Variants in NXPH1 observed in about 807,000 individuals in gnomAD.
NXPH1 encodes neurexophilin-1.
A neutral mutation model predicts 23.7 loss-of-function variants in NXPH1; 5 were observed. The observed-to-expected ratio is 0.21, with a 90% CI of 0.11 to 0.44. The LOEUF (loss-of-function observed/expected upper bound fraction) is 0.44. Ranked by LOEUF, NXPH1 falls within the 20% of genes least tolerant of loss-of-function variation. NXPH1 has a pLI of 0.99. For missense variants in NXPH1, 324 were observed against 321.6 expected, an observed-to-expected ratio of 1.01 and a Z score of -0.06; for synonymous variants, 144 against 122.2, an observed-to-expected ratio of 1.18 and a Z score of -1.18.
intron 2 of NXPH1, among the ~76,000 whole-genome samples, chr7:8,515,325 A>C (rs914847025): frequency 1.3e-5 from 2 of 152,062 alleles, no homozygotes; most frequent in African/African-American, 4.8e-5. Flanking sequence ...ATCAATTAAT[A>C]TTTATTGAGG....
intron 2 of NXPH1, among the ~76,000 whole-genome samples, chr7:8,503,805 C>T (rs777567874): frequency 1.4e-4 from 21 of 151,946 alleles, no homozygotes; most frequent in South Asian, 2.1e-4. Flanking sequence ...CCGGTTCATC[C>T]GGAACACCAT....
chr7:8,475,932 T>A (rs1816963131), intron 2 of NXPH1, among the ~76,000 whole-genome samples: 1 of 152,184 alleles, frequency 6.6e-6, no homozygotes. Context: ...CTGCCACCCC[T>A]GCACAACCTC....
chr7:8,655,400 T>TTCTCTCTC (rs869162322), intron 2 of NXPH1, among the ~76,000 whole-genome samples: 105 of 42,828 alleles, frequency 2.5e-3, no homozygotes, highest in African/African-American at 3.4e-3. Flanking sequence ...GTCTTTGTCT[T>TTCTCTCTC]TCTCTCTCTC....
At chr7:8,451,193 C>G (rs1477201077) in intron 2 of NXPH1, among the ~76,000 whole-genome samples, 2 of 149,350 alleles carry the variant, frequency 1.3e-5, no homozygotes, top group African/African-American at 5.0e-5. Flanking sequence ...GTTTAGGAAT[C>G]CTGATAACAG....
chr7:8,655,120 T>C (rs1001582787), intron 2 of NXPH1, among the ~76,000 whole-genome samples: 1 of 152,056 alleles, frequency 6.6e-6, no homozygotes, highest in Non-Finnish European at 1.5e-5. Flanking sequence ...CGAAGTAGCT[T>C]ATGTCTGTAA....
intron 2 of NXPH1, among the ~76,000 whole-genome samples, chr7:8,622,719 T>C (rs1353922148): frequency 2.6e-5 from 4 of 152,200 alleles, no homozygotes; most frequent in Admixed American, 6.5e-5. Context: ...TAAAAGTATA[T>C]GCTAATGTAA....
intron 2 of NXPH1, among the ~76,000 whole-genome samples, chr7:8,638,135 A>C (rs1820249201): frequency 6.6e-6 from 1 of 152,214 alleles, no homozygotes; most frequent in African/African-American, 2.4e-5. Flanking sequence ...GAGAATGCTG[A>C]TCTACTAAAG....
intron 2 of NXPH1, among the ~76,000 whole-genome samples, chr7:8,704,130 T>C (rs576077116): frequency 6.6e-6 from 1 of 152,240 alleles, no homozygotes; most frequent in East Asian, 1.9e-4. Flanking sequence ...GGCAGAAATT[T>C]GTGATTTCAT....
intron 2 of NXPH1, among the ~76,000 whole-genome samples, chr7:8,596,485 A>G (rs1395413946): frequency 1.3e-5 from 2 of 152,086 alleles, no homozygotes; most frequent in African/African-American, 4.8e-5. Flanking sequence ...GAACTTTACT[A>G]TTATATCTTA....
Position 8,741,027 on chromosome 7 carries a change from A to G in NXPH1, c.55-9981A>G, listed in dbSNP as rs76366525. On this transcript the variant is annotated intron_variant, in intron 2 of 2. Coordinates refer to ENST00000405863, the MANE Select transcript of NXPH1 (RefSeq NM_152745.3). ...ATTCATCACATAATCAAATGTTTGTATCCTTTAACAAACATCTTTCAATTT... is the reference window on the plus strand; with the variant it reads ...ATTCATCACATAATCAAATGTTTGTGTCCTTTAACAAACATCTTTCAATTT... Among the ~76,000 whole-genome samples, 131 of 152,322 alleles carry G rather than the reference A, an allele frequency of 8.6e-4. 3 individuals are homozygous for G. In the East Asian group the frequency reaches 0.023, roughly 27 times the overall value.
chr7:8,578,048 C>T (rs1403021283), intron 2 of NXPH1, among the ~76,000 whole-genome samples: 2 of 152,108 alleles, frequency 1.3e-5, no homozygotes, highest in Admixed American at 6.5e-5. Context: ...TACATTTTTT[C>T]CCCATCAAAA....
At chr7:8,704,754 A>AC (rs1315127845) in intron 2 of NXPH1, among the ~76,000 whole-genome samples, 1 of 152,022 alleles carries the variant, frequency 6.6e-6, no homozygotes, top group African/African-American at 2.4e-5. Context: ...AATCTGTAAA[A>AC]AAAAAAAGAT....
At chr7:8,520,136 G>C (rs999985452) in intron 2 of NXPH1, among the ~76,000 whole-genome samples, 13 of 152,234 alleles carry the variant, frequency 8.5e-5, no homozygotes, top group Admixed American at 7.2e-4. Context: ...TTGATCATGT[G>C]TCACGAGAAT....
At chr7:8,490,764 T>C (rs1282099208) in intron 2 of NXPH1, among the ~76,000 whole-genome samples, 1 of 152,054 alleles carries the variant, frequency 6.6e-6, no homozygotes, top group African/African-American at 2.4e-5. Context: ...AGACAAAATA[T>C]TTAAGTGATT....
chr7:8,623,470 T>G (rs1420337410), intron 2 of NXPH1, among the ~76,000 whole-genome samples: 1 of 151,896 alleles, frequency 6.6e-6, no homozygotes, highest in Non-Finnish European at 1.5e-5. Context: ...AACTAAATAC[T>G]TGAGAGAAAA....
At chr7:8,686,378 G>T (rs1364554608) in intron 2 of NXPH1, among the ~76,000 whole-genome samples, 1 of 152,006 alleles carries the variant, frequency 6.6e-6, no homozygotes, top group Non-Finnish European at 1.5e-5. Context: ...AATTAGATTT[G>T]TACTCTTCAA....
intron 2 of NXPH1, among the ~76,000 whole-genome samples, chr7:8,555,701 G>C (rs750943859): frequency 1.1e-4 from 17 of 151,648 alleles, no homozygotes; most frequent in Non-Finnish European, 1.8e-4. Context: ...TAGAATTTAG[G>C]CAGTTTCCTT....
intron 2 of NXPH1, among the ~76,000 whole-genome samples, chr7:8,647,948 A>C (rs1385946595): frequency 6.6e-6 from 1 of 152,148 alleles, no homozygotes; most frequent in Non-Finnish European, 1.5e-5. Flanking sequence ...TTTCTATCTT[A>C]ATTTTTAGTC....
At chr7:8,622,592 T>C (rs1036498965) in intron 2 of NXPH1, among the ~76,000 whole-genome samples, 12 of 152,220 alleles carry the variant, frequency 7.9e-5, no homozygotes, top group Non-Finnish European at 1.3e-4. Flanking sequence ...CGAGGGATAA[T>C]TTGACAAAGT....
Sources: gnomAD v4.1 joint callset for allele counts (sites outside exome capture counted in the v4.1 genomes callset) on GRCh38, gnomAD v4.1.1 for gene constraint, MANE v1.5 for transcripts, NCBI Gene and HGNC (gene_info 2026-07-23, HGNC 2026-07-21) for gene names.